Variants in DMD observed in about 807,000 individuals in gnomAD.
DMD encodes the protein mutant dystrophin.
In DMD, 63 loss-of-function variants were observed where a neutral mutation model predicts 330.1. The observed-to-expected ratio is 0.19, with a 90% confidence interval of 0.16 to 0.24. The LOEUF (loss-of-function observed/expected upper bound fraction) is 0.24. DMD is among the 10% of genes least tolerant of loss of function. DMD has a pLI of 1.00. For synonymous variants in DMD, 1,223 were observed against 959.8 expected, an observed-to-expected ratio of 1.27 and a Z score of -5.07; for missense variants, 3,344 against 2,684.1, an observed-to-expected ratio of 1.25 and a Z score of -5.43.
chrX:32,674,935 AAAT>A (rs57491664), intron 9 of DMD, among the ~76,000 whole-genome samples: 5,670 of 111,315 alleles, frequency 0.051, 342 homozygotes, highest in African/African-American at 0.18. Context: ...CAAGCATCCT[AAAT>A]AATACAGGAT....
chrX:32,010,087 C>T (rs1248824974), intron 44 of DMD, among the ~76,000 whole-genome samples: 3 of 110,637 alleles, frequency 2.7e-5, no homozygotes, highest in Non-Finnish European at 3.8e-5. Context: ...TTTTTTTTTT[C>T]AGTGCTGTAA....
At chrX:32,243,995 T>G (rs1428422417) in intron 43 of DMD, among the ~76,000 whole-genome samples, 1 of 107,147 alleles carries the variant, frequency 9.3e-6, no homozygotes, top group Non-Finnish European at 1.9e-5. Flanking sequence ...AGGGTACATG[T>G]GCACATTGTG....
chrX:32,045,041 G>C (rs2096053148), intron 44 of DMD, among the ~76,000 whole-genome samples: 1 of 110,352 alleles, frequency 9.1e-6, no homozygotes, highest in Admixed American at 9.7e-5. Context: ...TCATGGTTTT[G>C]TATTGTCCTC....
chrX:31,366,746 TG>T (rs1471594609), intron 60 of DMD, among the ~76,000 whole-genome samples: 2 of 109,971 alleles, frequency 1.8e-5, no homozygotes, highest in African/African-American at 6.6e-5. Flanking sequence ...ATTTAATTTG[TG>T]TAATAATCAC....
intron 43 of DMD, among the ~76,000 whole-genome samples, chrX:32,248,776 A>T (rs2097252329): frequency 9.0e-6 from 1 of 111,236 alleles, no homozygotes; most frequent in South Asian, 3.7e-4. Flanking sequence ...TTTTATTATG[A>T]ATGGATAATT....
chrX:31,448,889 T>C (rs1250733356), intron 59 of DMD, among the ~76,000 whole-genome samples: 1 of 112,621 alleles, frequency 8.9e-6, no homozygotes, highest in African/African-American at 3.2e-5. Flanking sequence ...ATAATAAGTT[T>C]TTCTTCATAT....
intron 1 of DMD, among the ~76,000 whole-genome samples, chrX:33,328,430 T>A (rs1329094052): frequency 9.0e-6 from 1 of 110,716 alleles, no homozygotes; most frequent in Non-Finnish European, 1.9e-5. Flanking sequence ...ACTCCTGACC[T>A]CATGATACAC....
chrX:32,233,697 ATCT>A (rs2097177646), intron 43 of DMD, among the ~76,000 whole-genome samples: 1 of 107,256 alleles, frequency 9.3e-6, no homozygotes. Flanking sequence ...CAATGGTGTG[ATCT>A]TCTCTCACCA....
chrX:31,951,111 C>CTATATATATATATATATATATA (rs1190843934), intron 45 of DMD, among the ~76,000 whole-genome samples: 3 of 66,853 alleles, frequency 4.5e-5, no homozygotes, highest in Admixed American at 3.3e-4. Context: ...AACACACATA[C>CTATATATATATATATATATATA]TATATATATA....
At chrX:32,480,644 GCA>G (rs2041792502) in intron 21 of DMD, among the ~76,000 whole-genome samples, 1 of 106,039 alleles carries the variant, frequency 9.4e-6, no homozygotes, top group East Asian at 2.9e-4. Context: ...ATACGTATAT[GCA>G]CACACAACTT....
At chrX:31,501,761 T>G (rs536297399) in intron 56 of DMD, among the ~76,000 whole-genome samples, 48 of 112,440 alleles carry the variant, frequency 4.3e-4, no homozygotes, top group East Asian at 1.9e-3. Context: ...TGAAATGTGT[T>G]ATATTGAATT....
rs1384783081 is a variant in DMD at position 31,323,453 on chromosome X, G to GT, written c.9224+144dup. 77 of 549,691 alleles carry GT rather than the reference G, an allele frequency of 1.4e-4. No homozygotes were observed. In the East Asian group the frequency reaches 2.7e-3, roughly 19 times the overall value. The allele number at this position is 549,691 out of a possible 1,213,427, so 45.3% of individuals were successfully genotyped here. On this transcript the variant is annotated intron_variant, in intron 62 of 78. Coordinates refer to ENST00000357033, the MANE Select transcript of DMD (RefSeq NM_004006.3). ...ATTTACAATGGTAATTTTAGAATAA[G>GT]TTTTTTATCCAAGCTTCCTCAGGAA...
intron 45 of DMD, among the ~76,000 whole-genome samples, chrX:31,936,474 T>C (rs2094926440): frequency 9.0e-6 from 1 of 111,556 alleles, no homozygotes; most frequent in South Asian, 3.7e-4. Flanking sequence ...AAGTTGAAAA[T>C]GTTGTATGTG....
At chrX:33,222,083 C>T (rs895976738) in intron 1 of DMD, among the ~76,000 whole-genome samples, 9 of 111,250 alleles carry the variant, frequency 8.1e-5, no homozygotes, top group African/African-American at 2.9e-4. Context: ...AGCCTGATAC[C>T]CAAACCAGAA....
At chrX:32,170,789 C>T (rs1451385757) in intron 44 of DMD, among the ~76,000 whole-genome samples, 1 of 110,647 alleles carries the variant, frequency 9.0e-6, no homozygotes, top group Non-Finnish European at 1.9e-5. Flanking sequence ...ACCAGTAACA[C>T]TCCTGCAATT....
chrX:31,282,410 C>A (rs2052689709), intron 62 of DMD, among the ~76,000 whole-genome samples: 1 of 110,947 alleles, frequency 9.0e-6, no homozygotes, highest in South Asian at 3.8e-4. Context: ...TTTGATGACA[C>A]CGGTTATATT....
At chrX:32,792,018 C>A (rs768274097) in intron 7 of DMD, among the ~76,000 whole-genome samples, 3 of 111,633 alleles carry the variant, frequency 2.7e-5, no homozygotes, top group Admixed American at 9.5e-5. Flanking sequence ...TATAAAGAAA[C>A]CTCCATCAGA....
At chrX:32,976,771 T>C (rs1707566783) in intron 2 of DMD, among the ~76,000 whole-genome samples, 1 of 111,850 alleles carries the variant, frequency 8.9e-6, no homozygotes, top group Non-Finnish European at 1.9e-5. Flanking sequence ...GAATAATTAA[T>C]TATTGATGAT....
At chrX:32,580,709 T>G (rs1164890007) in intron 13 of DMD, among the ~76,000 whole-genome samples, 1 of 112,329 alleles carries the variant, frequency 8.9e-6, no homozygotes, top group African/African-American at 3.2e-5. Flanking sequence ...AGAAGGACAA[T>G]TAATGATAAT....
Sources: gnomAD v4.1 joint callset for allele counts (sites outside exome capture counted in the v4.1 genomes callset) on GRCh38, gnomAD v4.1.1 for gene constraint, MANE v1.5 for transcripts, NCBI Gene and HGNC (gene_info 2026-07-23, HGNC 2026-07-21) for gene names.